The following PRDM10 variants were observed in gnomAD, a reference collection of about 807,000 sequenced individuals.
PRDM10 encodes the protein PR domain zinc finger protein 10.
Under a neutral mutation model 133.1 loss-of-function variants are expected in PRDM10, and 65 were observed. The ratio of observed to expected loss-of-function variants is 0.49; its 90% CI spans 0.40 to 0.60. PRDM10 has a LOEUF of 0.60. PRDM10 is among the 20% of genes least tolerant of loss of function. The probability of loss-of-function intolerance (pLI) is 0.00; values close to 1 mark genes in which losing one functional copy is unlikely to be tolerated. For missense variants in PRDM10, 1,137 were observed against 1,507.1 expected (o/e 0.75, Z 4.07); for synonymous variants, 582 against 580.4 (o/e 1.00, Z -0.04).
At chr11:129,936,202 C>G (rs943621267) in intron 8 of PRDM10, among the ~76,000 whole-genome samples, 24 of 152,062 alleles carry the variant, frequency 1.6e-4, no homozygotes, top group African/African-American at 5.8e-4. Context: ...GGTGGTATGT[C>G]CTGAGGACAT....
chr11:129,909,078 A>G (rs1950101465), intron 19 of PRDM10, among the ~76,000 whole-genome samples: 1 of 152,072 alleles, frequency 6.6e-6, no homozygotes, highest in Admixed American at 6.6e-5. Context: ...AGGTCAGTCT[A>G]TTCACCAGAT....
At chr11:129,919,546 G>A (rs1950460500) in intron 13 of PRDM10, among the ~76,000 whole-genome samples, 1 of 152,192 alleles carries the variant, frequency 6.6e-6, no homozygotes, top group African/African-American at 2.4e-5. Flanking sequence ...ATGGGGCCCA[G>A]GGCTCAGCTC....
At chr11:129,993,316 A>G (rs79200055) in intron 1 of PRDM10, among the ~76,000 whole-genome samples, 1,551 of 152,294 alleles carry the variant, frequency 0.01, 31 homozygotes, top group African/African-American at 0.035. Flanking sequence ...TCTCTATACT[A>G]AGGTCATGAG....
At chr11:129,942,345 C>T in intron 7 of PRDM10, 81 bp downstream of exon 7, 1 of 1,461,286 alleles carries the variant, frequency 6.8e-7, no homozygotes, top group Non-Finnish European at 9.3e-7. Flanking sequence ...AACAAACCCA[C>T]TTTAGGAAAA....
At chr11:129,917,088 A>T (rs766110534) in intron 15 of PRDM10, 39 bp downstream of exon 15, 3 of 1,467,120 alleles carry the variant, frequency 2.0e-6, no homozygotes, top group Non-Finnish European at 2.8e-6. Context: ...CTAAGCAGGG[A>T]ACCCCAGTGG....
intron 9 of PRDM10, among the ~76,000 whole-genome samples, chr11:129,933,848 C>T (rs950049983): frequency 3.9e-5 from 6 of 152,186 alleles, no homozygotes; most frequent in Non-Finnish European, 8.8e-5. Flanking sequence ...TAGACCCTGT[C>T]ACCCTTGTAA....
At chr11:129,953,963 T>C (rs1951645665) in intron 4 of PRDM10, among the ~76,000 whole-genome samples, 2 of 148,428 alleles carry the variant, frequency 1.3e-5, no homozygotes, top group Non-Finnish European at 3.0e-5. Context: ...CAATAAGTAT[T>C]TACAGAAATG....
intron 11 of PRDM10, among the ~76,000 whole-genome samples, chr11:129,929,795 T>C (rs1213747225): frequency 6.6e-6 from 1 of 151,132 alleles, no homozygotes; most frequent in Non-Finnish European, 1.5e-5. Flanking sequence ...TTCTCTGGAC[T>C]TAGTAAAAAA....
At chr11:129,967,416 A>C (rs1192307317) in intron 1 of PRDM10, among the ~76,000 whole-genome samples, 1 of 151,890 alleles carries the variant, frequency 6.6e-6, no homozygotes, top group Non-Finnish European at 1.5e-5. Context: ...AAACAAAAAA[A>C]CCCACTTGTG....
intron 1 of PRDM10, among the ~76,000 whole-genome samples, chr11:129,961,449 C>T (rs2135925149): frequency 6.6e-6 from 1 of 152,210 alleles, no homozygotes; most frequent in Admixed American, 6.5e-5. Flanking sequence ...GGACTACGGG[C>T]ACGAGCAACC....
chr11:130,001,494 G>A lies in PRDM10; in HGVS notation c.-119+1228C>T, dbSNP rs80316831. 1.1e-3 allele frequency among the ~76,000 whole-genome samples: 175 copies of A among 152,284 alleles called. 3 individuals are homozygous for A. The East Asian group carries it at 0.023, about 20-fold the overall frequency. On this transcript the variant is annotated intron_variant, in intron 1 of 20. Transcript: ENST00000360871. ...CAACAGGCAAAGCAGCAGAATTAGGGCACAGGGCAGAGCTGGGTGGGTCTC... is the reference window on the plus strand; with the variant it reads ...CAACAGGCAAAGCAGCAGAATTAGGACACAGGGCAGAGCTGGGTGGGTCTC...
At chr11:129,931,408 A>G in intron 10 of PRDM10, 150 bp from the exon 11 acceptor site, 1 of 1,041,248 alleles carries the variant, frequency 9.6e-7, no homozygotes, top group Non-Finnish European at 1.3e-6. Flanking sequence ...AACTATGCAC[A>G]GAAGGCAAAA....
In PRDM10 at chr11:129,902,249, A is replaced by G; in HGVS notation, c.*64T>C. 1.3e-6 allele frequency: 2 copies of G among 1,548,364 alleles called. No individual in the cohort carries two copies. Among genetic ancestry groups the G allele is most frequent in the African/African-American group, 1.4e-5 (1 of 73,038 alleles). ...ATCTTACAAAAGAGCTCTACGTGTC[A>G]GAGCTTTCAGACTTATGAGAACAGA... On this transcript the variant is annotated 3_prime_UTR_variant, in exon 21 of 21. Coordinates refer to ENST00000360871, the MANE Select transcript of PRDM10 (RefSeq NM_199437.2).
chr11:129,981,235 C>T (rs2446381), intron 1 of PRDM10, among the ~76,000 whole-genome samples: 130,814 of 152,070 alleles, frequency 0.86, 56,558 homozygotes, highest in Middle Eastern at 0.92. Context: ...GTTGTACATA[C>T]CTATAAGTAC....
At chr11:129,929,568 A>AT in intron 11 of PRDM10, 1 of 691,616 alleles carries the variant, frequency 1.4e-6, no homozygotes, top group Non-Finnish European at 2.3e-6. Flanking sequence ...AGAAAAAAAA[A>AT]CAAAATAGCT....
chr11:129,946,386 C>T (rs1404938740), intron 5 of PRDM10, among the ~76,000 whole-genome samples: 1 of 152,212 alleles, frequency 6.6e-6, no homozygotes, highest in African/African-American at 2.4e-5. Flanking sequence ...CCCAAGCAGA[C>T]AGATTTTACC....
At chr11:129,926,704 G>T (rs372595037) in intron 11 of PRDM10, among the ~76,000 whole-genome samples, 2 of 152,164 alleles carry the variant, frequency 1.3e-5, no homozygotes, top group African/African-American at 4.8e-5. Flanking sequence ...TAGATAAACA[G>T]CAATTCTGTG....
intron 1 of PRDM10, among the ~76,000 whole-genome samples, chr11:129,963,399 G>T (rs201517430): frequency 8.2e-6 from 1 of 121,738 alleles, no homozygotes; most frequent in Non-Finnish European, 1.6e-5. Flanking sequence ...GAGAAGAGAA[G>T]AGAAGAGAAG....
intron 17 of PRDM10, among the ~76,000 whole-genome samples, chr11:129,913,992 C>T (rs1950272563): frequency 6.6e-6 from 1 of 152,172 alleles, no homozygotes. Context: ...AAGGCACTGA[C>T]TGATATGCAG....
Sources: gnomAD v4.1 joint callset for allele counts (sites outside exome capture counted in the v4.1 genomes callset) on GRCh38, gnomAD v4.1.1 for gene constraint, MANE v1.5 for transcripts, NCBI Gene and HGNC (gene_info 2026-07-23, HGNC 2026-07-21) for gene names.